Variants in ASTN2 observed in about 807,000 individuals in gnomAD.
The protein encoded by ASTN2 is astrotactin-2.
A neutral mutation model predicts 139.8 loss-of-function variants in ASTN2; 54 were observed. That is an observed-to-expected ratio of 0.39 (90% confidence interval 0.31 to 0.48). ASTN2 has a LOEUF of 0.48. Among genes scored for constraint, ASTN2 ranks in the 20% least tolerant of loss-of-function variants. The pLI, the probability that ASTN2 is intolerant of heterozygous loss-of-function variation, is 0.95. For synonymous variants in ASTN2, 756 were observed against 719.5 expected (o/e 1.05, Z -0.81); for missense variants, 1,565 against 1,725.1 (o/e 0.91, Z 1.64).
At chr9:116,961,704 A>G (rs1018302926) in intron 10 of ASTN2, among the ~76,000 whole-genome samples, 1 of 152,204 alleles carries the variant, frequency 6.6e-6, no homozygotes, top group Non-Finnish European at 1.5e-5. Context: ...CTCAATCATC[A>G]TGTACTTAAT....
chr9:117,389,198 G>T lies in ASTN2; in HGVS notation c.442+25299C>A, dbSNP rs1023346098. On this transcript the variant is annotated intron_variant, in intron 1 of 22. Transcript: ENST00000313400. ...CCTATATGAAAGAAGCTGCAAAGGG[G>T]GTGGGCAAGAGGGGAGAAAGGGCTT... Among the ~76,000 whole-genome samples, 6 of 152,154 alleles carry T rather than the reference G, an allele frequency of 3.9e-5. No homozygotes were observed. In the East Asian group the frequency reaches 1.2e-3, roughly 29 times the overall value.
intron 1 of ASTN2, among the ~76,000 whole-genome samples, chr9:117,392,178 C>A (rs1158632589): frequency 6.6e-6 from 1 of 151,996 alleles, no homozygotes; most frequent in African/African-American, 2.4e-5. Context: ...ATCTGAGAGA[C>A]CAATTAGGAA....
chr9:117,123,313 T>C (rs1829605771), intron 4 of ASTN2, among the ~76,000 whole-genome samples: 1 of 151,806 alleles, frequency 6.6e-6, no homozygotes. Flanking sequence ...GCAGAAGGCT[T>C]CCATGAGAGA....
chr9:116,584,917 C>G, intron 19 of ASTN2: 1 of 152,114 alleles, frequency 6.6e-6, no homozygotes. Flanking sequence ...AACTCTGATA[C>G]AGAAGAGGTA....
At chr9:116,724,952 T>C (rs1828576283) in intron 16 of ASTN2, among the ~76,000 whole-genome samples, 1 of 152,180 alleles carries the variant, frequency 6.6e-6, no homozygotes, top group African/African-American at 2.4e-5. Flanking sequence ...GAGTACTTGA[T>C]GTGGCATATC....
At chr9:116,985,346 G>A (rs1836646012) in intron 7 of ASTN2, among the ~76,000 whole-genome samples, 1 of 152,204 alleles carries the variant, frequency 6.6e-6, no homozygotes. Flanking sequence ...GGTTCTGGTG[G>A]CACAGGCTGG....
chr9:117,289,219 G>A (rs1393019121), intron 2 of ASTN2, among the ~76,000 whole-genome samples: 4 of 152,180 alleles, frequency 2.6e-5, no homozygotes, highest in African/African-American at 7.2e-5. Flanking sequence ...AGCCCTGAAT[G>A]GGGGAAGGAA....
At chr9:117,225,535 GTATATATATATATATATA>G (rs58184768) in intron 2 of ASTN2, among the ~76,000 whole-genome samples, 3,033 of 63,956 alleles carry the variant, frequency 0.047, 339 homozygotes, top group African/African-American at 0.094. Context: ...CAAGCTGTAT[GTATATATATATATATATA>G]TATATATATA....
At chr9:117,389,994 G>C (rs965079199) in intron 1 of ASTN2, among the ~76,000 whole-genome samples, 2 of 152,124 alleles carry the variant, frequency 1.3e-5, no homozygotes, top group Admixed American at 1.3e-4. Context: ...CATGAGTGAA[G>C]GTGGAACCAG....
chr9:117,229,499 C>T (rs1832822887), intron 2 of ASTN2, among the ~76,000 whole-genome samples: 1 of 152,168 alleles, frequency 6.6e-6, no homozygotes, highest in African/African-American at 2.4e-5. Flanking sequence ...CATATTGTAT[C>T]CTTAAGTGGT....
intron 1 of ASTN2, among the ~76,000 whole-genome samples, chr9:117,391,169 C>T (rs571610993): frequency 6.6e-6 from 1 of 152,144 alleles, no homozygotes; most frequent in Non-Finnish European, 1.5e-5. Flanking sequence ...GGAGGGCCAA[C>T]TGTATTCTAA....
chr9:116,849,448 T>C (rs1832530109), intron 11 of ASTN2, among the ~76,000 whole-genome samples: 1 of 152,182 alleles, frequency 6.6e-6, no homozygotes, highest in Admixed American at 6.5e-5. Context: ...ACTTTAATGA[T>C]AACAAGAATT....
At chr9:116,648,658 CTTTA>C (rs1324815757) in intron 17 of ASTN2, among the ~76,000 whole-genome samples, 4 of 152,250 alleles carry the variant, frequency 2.6e-5, no homozygotes, top group South Asian at 4.1e-4. Context: ...CATGGGTAGG[CTTTA>C]TTTATTTGTT....
intron 10 of ASTN2, among the ~76,000 whole-genome samples, chr9:116,912,067 G>C (rs1834327529): frequency 6.6e-6 from 1 of 152,224 alleles, no homozygotes; most frequent in South Asian, 2.1e-4. Flanking sequence ...TGATGGGTCA[G>C]GGCACTGGAA....
At chr9:117,060,443 A>AGG in intron 5 of ASTN2, among the ~76,000 whole-genome samples, 1 of 50,160 alleles carries the variant, frequency 2.0e-5, no homozygotes, top group Non-Finnish European at 3.8e-5. Context: ...AGAGAGAGAG[A>AGG]GAAAGAAAGA....
chr9:116,575,361 C>T (rs1460582308), intron 19 of ASTN2, among the ~76,000 whole-genome samples: 1 of 151,760 alleles, frequency 6.6e-6, no homozygotes, highest in East Asian at 1.9e-4. Flanking sequence ...GGTAATATGG[C>T]ACAGTCTTTC....
rs148724828 is a variant in ASTN2 at position 116,933,979 on chromosome 9, C to CTTTTTTT, written c.1889+41222_1889+41228dup. On this transcript the variant is annotated intron_variant, in intron 10 of 22. Coordinates refer to ENST00000313400, the MANE Select transcript of ASTN2 (RefSeq NM_001365068.1). ...ACCTCAGTTGTGCGAAGTGTTAGTC[C>CTTTTTTT]TTTTTTTTTTTTTTTTTTTTTTTCT... 1.0e-3 allele frequency among the ~76,000 whole-genome samples: 87 copies of CTTTTTTT among 86,858 alleles called. 11 individuals are homozygous for CTTTTTTT. The highest frequency in any genetic ancestry group is 2.4e-3 in the South Asian group (7 of 2,860). 57.0% of individuals were successfully genotyped at this position (86,858 alleles called of 152,430 possible).
At chr9:117,312,797 T>C (rs1828018038) in intron 1 of ASTN2, among the ~76,000 whole-genome samples, 1 of 152,046 alleles carries the variant, frequency 6.6e-6, no homozygotes, top group African/African-American at 2.4e-5. Flanking sequence ...ACCTTTGAAA[T>C]GAAAGGATCA....
intron 5 of ASTN2, among the ~76,000 whole-genome samples, chr9:117,063,974 T>C (rs1439808024): frequency 6.6e-6 from 1 of 152,072 alleles, no homozygotes; most frequent in Admixed American, 6.5e-5. Context: ...CAGCTTTCTC[T>C]TTTGGATACA....
Sources: gnomAD v4.1 joint callset for allele counts (sites outside exome capture counted in the v4.1 genomes callset) on GRCh38, gnomAD v4.1.1 for gene constraint, MANE v1.5 for transcripts, NCBI Gene and HGNC (gene_info 2026-07-23, HGNC 2026-07-21) for gene names.